The following CFAP77 variants were observed in gnomAD, a reference collection of about 807,000 sequenced individuals.
CFAP77 encodes cilia- and flagella-associated protein 77.
Under a neutral mutation model 31.1 loss-of-function variants are expected in CFAP77, and 25 were observed. The observed-to-expected ratio is 0.80, with a 90% CI of 0.59 to 1.12. The LOEUF (loss-of-function observed/expected upper bound fraction) is 1.12. Among genes scored for constraint, CFAP77 ranks in the 50% most tolerant of loss-of-function variants. CFAP77 has a pLI of 0.00. For synonymous variants in CFAP77, 151 were observed against 159.9 expected, an observed-to-expected ratio of 0.94 and a Z score of 0.42; for missense variants, 377 against 397.3, an observed-to-expected ratio of 0.95 and a Z score of 0.44.
intron 1 of CFAP77, among the ~76,000 whole-genome samples, chr9:132,412,157 C>A (rs963728544): frequency 2.0e-5 from 3 of 152,118 alleles, no homozygotes; most frequent in Non-Finnish European, 4.4e-5. Context: ...AGCTTAGGGT[C>A]GGAAAATGTA....
rs188489319 is a variant in CFAP77, at chr9:132,446,317, T to G, written c.195+35851T>G. ...CAAGGCTGTGGCCCTCAGACCTGGA[T>G]CTCTGAGTCGTCTGGTCATGCGTGG... On this transcript the variant is annotated intron_variant, in intron 1 of 5. Coordinates refer to ENST00000393216, the MANE Select transcript of CFAP77 (RefSeq NM_001282957.2). Among the ~76,000 whole-genome samples the G allele has an allele frequency of 5.9e-5, 9 of 152,132 alleles. No homozygotes were observed. The East Asian group carries it at 1.7e-3, about 29-fold the overall frequency.
intron 1 of CFAP77, among the ~76,000 whole-genome samples, chr9:132,439,923 A>G (rs1254697816): frequency 1.3e-5 from 2 of 151,572 alleles, no homozygotes; most frequent in African/African-American, 2.4e-5. Flanking sequence ...CCTCGATCCT[A>G]TGGTGCGGTG....
intron 1 of CFAP77, among the ~76,000 whole-genome samples, chr9:132,431,860 A>C (rs1850416531): frequency 6.6e-6 from 1 of 152,170 alleles, no homozygotes; most frequent in African/African-American, 2.4e-5. Flanking sequence ...AACCTAGTAC[A>C]TCTCAGTGAA....
chr9:132,496,194 A>G (rs978326380), intron 1 of CFAP77, among the ~76,000 whole-genome samples: 2 of 150,598 alleles, frequency 1.3e-5, no homozygotes, highest in African/African-American at 5.0e-5. Flanking sequence ...TAAAATATAA[A>G]GTCTATTTTT....
At chr9:132,447,001 C>T (rs1331179213) in intron 1 of CFAP77, among the ~76,000 whole-genome samples, 10 of 152,082 alleles carry the variant, frequency 6.6e-5, no homozygotes, top group African/African-American at 9.7e-5. Context: ...GTGCTTCTCC[C>T]GCTTCGGCCT....
chr9:132,437,198 T>C (rs1424598393), intron 1 of CFAP77, among the ~76,000 whole-genome samples: 1 of 152,244 alleles, frequency 6.6e-6, no homozygotes, highest in East Asian at 1.9e-4. Flanking sequence ...CAAGCACTGG[T>C]CCTGCTTTCT....
intron 5 of CFAP77, among the ~76,000 whole-genome samples, chr9:132,560,348 C>T (rs1671080549): frequency 6.6e-6 from 1 of 152,110 alleles, no homozygotes; most frequent in African/African-American, 2.4e-5. Context: ...CACCTGCAGC[C>T]TATTGAGCTT....
In CFAP77 at chr9:132,410,293, G is replaced by A; in HGVS notation, c.22G>A (p.Gly8Ser). ...AAGGATGCCAGAGGCCAGGAGCTCC[G>A]GCCCGGACCTCACGCGATGGAGGAA... Reference protein sequence around the residue: MPEARSSGPDLTRWRKQQ... With the variant: MPEARSSSPDLTRWRKQQ... The change falls in exon 1 of 6, where the codon GGC (glycine) becomes AGC (serine). Residue 8 changes from glycine to serine, a missense_variant. Physicochemically the swap from Gly to Ser is moderately conservative, Grantham distance 56. Coordinates refer to ENST00000393216, the MANE Select transcript of CFAP77 (RefSeq NM_001282957.2). 6.3e-7 allele frequency: 1 copy of A among 1,585,936 alleles called. No homozygotes were observed. Among genetic ancestry groups the A allele is most frequent in the Non-Finnish European group, 8.6e-7 (1 of 1,167,994 alleles).
At chr9:132,474,812 C>T (rs937079324) in intron 1 of CFAP77, among the ~76,000 whole-genome samples, 17 of 152,128 alleles carry the variant, frequency 1.1e-4, no homozygotes, top group East Asian at 5.8e-4. Flanking sequence ...AAATTGGATC[C>T]GACGGCTTAT....
intron 5 of CFAP77, among the ~76,000 whole-genome samples, chr9:132,563,855 G>A (rs779082946): frequency 6.6e-6 from 1 of 152,164 alleles, no homozygotes; most frequent in East Asian, 1.9e-4. Context: ...TGATGCGCTG[G>A]GTTGAGCATA....
At position 132,455,019 on chromosome 9, in the gene CFAP77, A is replaced by G. The variant is rs1024669689; in HGVS notation, c.196-43676A>G. 6.6e-6 allele frequency among the ~76,000 whole-genome samples: 1 copy of G among 150,866 alleles called. No individual in the cohort carries two copies. The highest frequency in any genetic ancestry group is 6.6e-5 in the Admixed American group (1 of 15,104). ...ATGTCATAACATCCTACAAAAAAAA[A>G]GAAAGAAAAGGCAATAAATTAGCCT... On this transcript the variant is annotated intron_variant, in intron 1 of 5. Coordinates refer to ENST00000393216, the MANE Select transcript of CFAP77 (RefSeq NM_001282957.2). The surrounding 1 kb of genome is among the most constrained non-coding windows in gnomAD (Gnocchi z 4.1).
intron 1 of CFAP77, among the ~76,000 whole-genome samples, chr9:132,472,716 A>G (rs1190666984): frequency 6.6e-6 from 1 of 152,194 alleles, no homozygotes; most frequent in African/African-American, 2.4e-5. Context: ...GCAGTGATCC[A>G]TGACTGCACC....
At chr9:132,476,260 C>T (rs917740868) in intron 1 of CFAP77, among the ~76,000 whole-genome samples, 16 of 152,094 alleles carry the variant, frequency 1.1e-4, no homozygotes, top group African/African-American at 3.6e-4. Context: ...GATTGACTAT[C>T]AGAAAAGTCT....
chr9:132,551,034 A>G (rs1852812739), intron 5 of CFAP77, among the ~76,000 whole-genome samples: 1 of 152,140 alleles, frequency 6.6e-6, no homozygotes, highest in Admixed American at 6.5e-5. Flanking sequence ...AAAGTAAGAC[A>G]ATGGGGAGGT....
chr9:132,493,147 CTGCCCA>C (rs1851677454), intron 1 of CFAP77, among the ~76,000 whole-genome samples: 1 of 152,158 alleles, frequency 6.6e-6, no homozygotes, highest in African/African-American at 2.4e-5. Flanking sequence ...GTAGTGTAGC[CTGCCCA>C]AGAAGAAAGG....
At chr9:132,558,714 TAAATA>T (rs1196881583) in intron 5 of CFAP77, among the ~76,000 whole-genome samples, 1 of 146,306 alleles carries the variant, frequency 6.8e-6, no homozygotes, top group Non-Finnish European at 1.5e-5. Flanking sequence ...TCAAAATAAA[TAAATA>T]AATAAAAATA....
chr9:132,410,262 G>C lies in CFAP77; in HGVS notation c.-10G>C, dbSNP rs541557281. The stretch of plus-strand genomic sequence containing the variant: ...CCAGCCCGCGGGCCGGCTCCCCGGC[G>C]ACCTCAAGGATGCCAGAGGCCAGGA... On this transcript the variant is annotated 5_prime_UTR_variant, in exon 1 of 6. Transcript: ENST00000393216. 2.6e-6 allele frequency: 4 copies of C among 1,555,846 alleles called. No homozygotes were observed. The South Asian group carries it at 4.7e-5, about 18-fold the overall frequency.
chr9:132,523,028 G>C (rs2119022556), intron 3 of CFAP77, among the ~76,000 whole-genome samples: 1 of 151,524 alleles, frequency 6.6e-6, no homozygotes, highest in Admixed American at 6.6e-5. Flanking sequence ...CCCATCCCTA[G>C]TTCTGCTCCC....
intron 1 of CFAP77, among the ~76,000 whole-genome samples, chr9:132,465,406 A>G (rs1360913151): frequency 1.3e-5 from 2 of 152,214 alleles, no homozygotes; most frequent in Non-Finnish European, 2.9e-5. Flanking sequence ...TGTTGGGGGA[A>G]CAGTAAATCT....
Sources: gnomAD v4.1 joint callset for allele counts (sites outside exome capture counted in the v4.1 genomes callset) on GRCh38, gnomAD v4.1.1 for gene constraint, Gnocchi (gnomAD v3.1) non-coding constraint, MANE v1.5 for transcripts, NCBI Gene and HGNC (gene_info 2026-07-23, HGNC 2026-07-21) for gene names.